Variants in ABCA13 observed in about 807,000 individuals in gnomAD.
The protein encoded by ABCA13 is ATP-binding cassette sub-family A member 13.
Under a neutral mutation model 478.7 loss-of-function variants are expected in ABCA13, and 476 were observed. The ratio of observed to expected loss-of-function variants is 0.99; its 90% CI spans 0.92 to 1.07. The LOEUF (loss-of-function observed/expected upper bound fraction) is 1.07, where lower values mean the gene tolerates loss of function less well. Among genes scored for constraint, ABCA13 ranks in the 50% least tolerant of loss-of-function variants. The pLI is 0.00. For synonymous variants in ABCA13, 2,252 were observed against 2,158.9 expected, an observed-to-expected ratio of 1.04 and a Z score of -1.20; for missense variants, 6,060 against 5,910.6, an observed-to-expected ratio of 1.03 and a Z score of -0.83.
rs1036277092 is a variant in ABCA13, at chr7:48,278,315, C to T, written c.7121C>T (p.Ser2374Leu). 3 of 1,612,472 alleles carry T rather than the reference C, an allele frequency of 1.9e-6. No individual in the cohort carries two copies. The African/African-American group carries it at 4.0e-5, about 22-fold the overall frequency. Residue 2374 changes from serine to leucine, a missense_variant, in exon 18 of 62, where the codon TCA becomes TTA. By Grantham distance (145) the Ser-to-Leu change is moderately radical. This residue lies in a region of ABCA13 where 4,423 missense variants were observed against 4,309.1 expected (regional missense o/e 1.03). Transcript: ENST00000435803. ...DLFNALLRET[S>L]MKNKTENNID... ...TTTAATGCCCTTCTCAGGGAAACTT[C>T]AATGAAAAATAAGACTGAAAATAAT...
At chr7:48,627,097 G>A in intron 59 of ABCA13, 1 of 950,892 alleles carries the variant, frequency 1.1e-6, no homozygotes, top group Non-Finnish European at 1.3e-6. Context: ...TTTGCCAAAT[G>A]CTTTCTGTGC....
At chr7:48,581,003 A>C (rs908335019) in intron 56 of ABCA13, among the ~76,000 whole-genome samples, 2 of 152,206 alleles carry the variant, frequency 1.3e-5, no homozygotes, top group Non-Finnish European at 2.9e-5. Flanking sequence ...AGTAGAGGTC[A>C]GCGAAGCAGA....
At chr7:48,469,917 CT>C (rs1475098666) in intron 44 of ABCA13, among the ~76,000 whole-genome samples, 1 of 140,410 alleles carries the variant, frequency 7.1e-6, no homozygotes, top group Non-Finnish European at 1.6e-5. Context: ...GAGACTCCAT[CT>C]CAAAAAAAAA....
chr7:48,335,387 A>G (rs774521110), intron 27 of ABCA13, 35 bp from the exon 28 acceptor site: 23 of 1,461,144 alleles, frequency 1.6e-5, no homozygotes, highest in Non-Finnish European at 2.2e-5. Flanking sequence ...TAACAGCTGA[A>G]TAAGAGACAT....
At chr7:48,561,363 A>T (rs974376596) in intron 55 of ABCA13, among the ~76,000 whole-genome samples, 1 of 152,030 alleles carries the variant, frequency 6.6e-6, no homozygotes, top group Non-Finnish European at 1.5e-5. Context: ...TTTCCTATCA[A>T]TAGCATGTAA....
At chr7:48,360,184 TC>T (rs1219557031) in intron 31 of ABCA13, among the ~76,000 whole-genome samples, 4 of 123,652 alleles carry the variant, frequency 3.2e-5, no homozygotes, top group South Asian at 3.2e-4. Context: ...ATGCTATCCC[TC>T]CCCCCTCCCC....
intron 6 of ABCA13, among the ~76,000 whole-genome samples, chr7:48,227,859 A>T (rs994954151): frequency 3.9e-5 from 6 of 152,202 alleles, no homozygotes. Flanking sequence ...TTCTTAAGAA[A>T]TTATGCCATA....
chr7:48,641,192 A>G (rs948332971), intron 59 of ABCA13, among the ~76,000 whole-genome samples: 5 of 152,192 alleles, frequency 3.3e-5, no homozygotes, highest in African/African-American at 1.2e-4. Context: ...AGTTTCTACT[A>G]ATGGTAAAAA....
At chr7:48,390,264 AGT>A (rs1815838358) in intron 37 of ABCA13, among the ~76,000 whole-genome samples, 1 of 152,232 alleles carries the variant, frequency 6.6e-6, no homozygotes, top group South Asian at 2.1e-4. Flanking sequence ...TGTTGCTTTT[AGT>A]GTACATTTGT....
intron 3 of ABCA13, among the ~76,000 whole-genome samples, chr7:48,201,067 G>A (rs1798628300): frequency 1.3e-5 from 2 of 148,542 alleles, no homozygotes; most frequent in South Asian, 2.1e-4. Context: ...CTCAGGCTCC[G>A]CCTACTTTAT....
chr7:48,597,508 T>G (rs1790425636), intron 58 of ABCA13, among the ~76,000 whole-genome samples: 1 of 152,238 alleles, frequency 6.6e-6, no homozygotes. Context: ...AATAGTAAGT[T>G]GTATTTGAGA....
At chr7:48,265,265 A>C (rs2128732095) in intron 15 of ABCA13, among the ~76,000 whole-genome samples, 1 of 151,666 alleles carries the variant, frequency 6.6e-6, no homozygotes. Context: ...GTTTTTAACT[A>C]TTCTAGGTCA....
chr7:48,375,066 G>A (rs1433982598), intron 34 of ABCA13, among the ~76,000 whole-genome samples: 2 of 152,312 alleles, frequency 1.3e-5, no homozygotes, highest in South Asian at 2.1e-4. Context: ...CTGTCTAGTT[G>A]TAGGAAAACA....
rs1799517674 is a variant in ABCA13, at chr7:48,297,312, G to A, written c.9199+1G>A. 3.1e-6 allele frequency: 5 copies of A among 1,603,818 alleles called. No individual in the cohort carries two copies. In the East Asian group the frequency reaches 6.7e-5, roughly 22 times the overall value. On this transcript the variant is annotated splice_donor_variant, in intron 22 of 61. Coordinates refer to ENST00000435803, the MANE Select transcript of ABCA13 (RefSeq NM_152701.5). LOFTEE classifies it high-confidence loss of function. ...CTCAGCAATTTCACAGTAACTGAGG[G>A]TAAGTATGTGGTTTTCCAAGTTTGC...
intron 15 of ABCA13, 130 bp from the exon 16 acceptor site, chr7:48,268,850 C>CT (rs57201740): frequency 0.052 from 12,788 of 243,962 alleles, 65 homozygotes; most frequent in South Asian, 0.083. Context: ...TCCTACTCAT[C>CT]TTTTTTTTTT....
intron 58 of ABCA13, among the ~76,000 whole-genome samples, chr7:48,603,271 A>G (rs1183799867): frequency 6.6e-6 from 1 of 152,206 alleles, no homozygotes; most frequent in Non-Finnish European, 1.5e-5. Context: ...ACTATGTTGA[A>G]TAGTAGTGGT....
At chr7:48,399,398 A>G (rs1181407579) in intron 38 of ABCA13, among the ~76,000 whole-genome samples, 3 of 152,198 alleles carry the variant, frequency 2.0e-5, no homozygotes, top group Admixed American at 2.0e-4. Context: ...TCCTGAGAGC[A>G]CAGCAGGCTC....
chr7:48,409,136 C>T (rs1818656463), intron 39 of ABCA13, among the ~76,000 whole-genome samples: 1 of 152,182 alleles, frequency 6.6e-6, no homozygotes. Context: ...AGCCTTCTCT[C>T]TTTGAAAATT....
chr7:48,638,466 A>G (rs1358314097), intron 59 of ABCA13, among the ~76,000 whole-genome samples: 1 of 152,218 alleles, frequency 6.6e-6, no homozygotes, highest in Non-Finnish European at 1.5e-5. Context: ...GGCTGTTTTC[A>G]AAGAGGTTTT....
Sources: gnomAD v4.1 joint callset for allele counts (sites outside exome capture counted in the v4.1 genomes callset) on GRCh38, gnomAD v4.1.1 for gene constraint, gnomAD v4.1.1 regional missense constraint, MANE v1.5 for transcripts, NCBI Gene and HGNC (gene_info 2026-07-23, HGNC 2026-07-21) for gene names.